RREB1: variants seen among roughly 807,000 people sequenced by gnomAD.
RREB1 encodes the protein ras-responsive element-binding protein 1.
In RREB1, 27 loss-of-function variants were observed where a neutral mutation model predicts 117.8. The ratio of observed to expected loss-of-function variants is 0.23; its 90% CI spans 0.17 to 0.32. RREB1 has a LOEUF of 0.32. Among genes scored for constraint, RREB1 ranks in the 10% least tolerant of loss-of-function variants. The pLI is 1.00. For missense variants in RREB1, 2,577 were observed against 2,378.2 expected (o/e 1.08, Z -1.74); for synonymous variants, 1,298 against 1,026.7 (o/e 1.26, Z -5.05).
At chr6:7,247,916 TGCAGCCC>T (rs1444417811) in intron 12 of RREB1, among the ~76,000 whole-genome samples, 1 of 152,208 alleles carries the variant, frequency 6.6e-6, no homozygotes, top group East Asian at 1.9e-4. Flanking sequence ...CTGTCACAGC[TGCAGCCC>T]GCAGTGAACA....
intron 8 of RREB1, chr6:7,217,610 A>T (rs886859833): frequency 1.3e-5 from 2 of 152,210 alleles, no homozygotes; most frequent in Non-Finnish European, 2.9e-5. Flanking sequence ...GACCTCGGGC[A>T]AGTGCTGACT....
intron 6 of RREB1, among the ~76,000 whole-genome samples, chr6:7,200,753 C>CTT (rs1393652534): frequency 6.6e-6 from 1 of 152,170 alleles, no homozygotes; most frequent in African/African-American, 2.4e-5. Flanking sequence ...ACAATCAAGC[C>CTT]TTTTTCGTCC....
chr6:7,170,806 A>C (rs1397690272), intron 1 of RREB1, among the ~76,000 whole-genome samples: 2 of 152,220 alleles, frequency 1.3e-5, no homozygotes, highest in Admixed American at 1.3e-4. Context: ...TAAGCCAAGC[A>C]GCTTCTCCCA....
intron 1 of RREB1, among the ~76,000 whole-genome samples, chr6:7,114,555 A>G (rs1470387328): frequency 6.6e-6 from 1 of 152,092 alleles, no homozygotes; most frequent in Non-Finnish European, 1.5e-5. Flanking sequence ...AGTGCACAGA[A>G]CGACCCCCAT....
chr6:7,184,184 C>G (rs1197990724), intron 4 of RREB1, among the ~76,000 whole-genome samples: 1 of 151,778 alleles, frequency 6.6e-6, no homozygotes, highest in South Asian at 2.1e-4. Flanking sequence ...CCTCCATGTC[C>G]TATAAAAAAC....
chr6:7,251,014 G>C lies in RREB1; in HGVS notation c.*2046G>C, dbSNP rs1174460418. On this transcript the variant is annotated 3_prime_UTR_variant, in exon 13 of 13. Coordinates refer to ENST00000379938, the MANE Select transcript of RREB1 (RefSeq NM_001003699.4). ...TACAGTTGTTATTGTTGTTTTTGTT[G>C]TTATTATTATTTGGGGTTTCTTGTG... 6.6e-6 allele frequency: 1 copy of C among 151,752 alleles called. No homozygotes were observed. The highest frequency in any genetic ancestry group is 2.4e-5 in the African/African-American group (1 of 41,286). The allele number at this position is 151,752 out of a possible 1,614,324, so 9.4% of individuals were successfully genotyped here.
At position 7,139,021 on chromosome 6, in the gene RREB1, G is replaced by C. The variant is rs146168553; in HGVS notation, c.-285+30961G>C. ...CACATGTGAGAACATTTCACTTTTAGTACTGAACTACTTTTTCGTGCACTG... is the reference window on the plus strand; with the variant it reads ...CACATGTGAGAACATTTCACTTTTACTACTGAACTACTTTTTCGTGCACTG... On this transcript the variant is annotated intron_variant, in intron 1 of 12. Transcript: ENST00000379938. Among the ~76,000 whole-genome samples, 199 of 152,232 alleles carry C rather than the reference G, an allele frequency of 1.3e-3. 1 individual carries two copies. Among genetic ancestry groups the C allele is most frequent in the African/African-American group, 4.4e-3 (182 of 41,520 alleles).
At chr6:7,161,118 A>G (rs1205510473) in intron 1 of RREB1, among the ~76,000 whole-genome samples, 2 of 152,174 alleles carry the variant, frequency 1.3e-5, no homozygotes, top group African/African-American at 4.8e-5. Context: ...GGTGTGAGGC[A>G]CAGTGTCCAG....
At chr6:7,109,921 G>A (rs1398563631) in intron 1 of RREB1, among the ~76,000 whole-genome samples, 1 of 152,136 alleles carries the variant, frequency 6.6e-6, no homozygotes, top group East Asian at 1.9e-4. Context: ...AACCTGTCCG[G>A]GGGTTTTCAT....
At chr6:7,202,388 C>T (rs535727936) in intron 6 of RREB1, among the ~76,000 whole-genome samples, 56 of 152,312 alleles carry the variant, frequency 3.7e-4, no homozygotes, top group African/African-American at 1.3e-3. Flanking sequence ...CTCAAGTGAT[C>T]GCCTTTCAAG....
chr6:7,145,680 T>C (rs1254602586), intron 1 of RREB1, among the ~76,000 whole-genome samples: 2 of 151,568 alleles, frequency 1.3e-5, no homozygotes, highest in African/African-American at 4.9e-5. Context: ...AGGAGGAGAA[T>C]TGGGAGATGG....
chr6:7,160,309 T>A (rs565252998), intron 1 of RREB1, among the ~76,000 whole-genome samples: 1 of 152,202 alleles, frequency 6.6e-6, no homozygotes, highest in African/African-American at 2.4e-5. Context: ...TTCTGGTATA[T>A]TTTCAAAAAT....
At chr6:7,140,073 ATTTT>A (rs545649667) in intron 1 of RREB1, among the ~76,000 whole-genome samples, 2 of 152,096 alleles carry the variant, frequency 1.3e-5, no homozygotes, top group Non-Finnish European at 2.9e-5. Flanking sequence ...TGGATTTTGA[ATTTT>A]TTTTAATTAT....
chr6:7,230,807 C>G lies in RREB1; in HGVS notation c.2708C>G (p.Ser903Trp). 1 of 1,614,204 alleles carries G rather than the reference C, an allele frequency of 6.2e-7. No individual in the cohort carries two copies. The highest frequency in any genetic ancestry group is 8.5e-7 in the Non-Finnish European group (1 of 1,180,024). Residue 903 changes from serine to tryptophan, a missense_variant, in exon 10 of 13, where the codon TCG becomes TGG. By Grantham distance (177) the Ser-to-Trp change is radical. Transcript: ENST00000379938. The part of the protein sequence containing the change: ...AVDFNEPLDF[S>W]QKGLALVQVK... ...GACTTCAATGAGCCCCTGGACTTCTCGCAGAAGGGCCTGGCCCTGGTCCAA... is the reference window on the plus strand; with the variant it reads ...GACTTCAATGAGCCCCTGGACTTCTGGCAGAAGGGCCTGGCCCTGGTCCAA...
chr6:7,120,397 C>T (rs1021769661), intron 1 of RREB1, among the ~76,000 whole-genome samples: 1 of 152,060 alleles, frequency 6.6e-6, no homozygotes, highest in African/African-American at 2.4e-5. Flanking sequence ...GAGGCTGCAG[C>T]GAGCTGTGAT....
intron 11 of RREB1, among the ~76,000 whole-genome samples, chr6:7,245,150 C>A (rs940364860): frequency 6.6e-6 from 1 of 152,186 alleles, no homozygotes; most frequent in Non-Finnish European, 1.5e-5. Flanking sequence ...AATCCCAGCA[C>A]TTTGGGAGGC....
intron 1 of RREB1, among the ~76,000 whole-genome samples, chr6:7,162,337 C>T (rs589308): frequency 0.21 from 31,390 of 152,004 alleles, 4,101 homozygotes; most frequent in African/African-American, 0.37. Context: ...TTTTTCTGCA[C>T]ACTGTGTTAA....
chr6:7,177,926 T>A (rs1430013576), intron 2 of RREB1, among the ~76,000 whole-genome samples: 3 of 152,190 alleles, frequency 2.0e-5, no homozygotes, highest in African/African-American at 7.2e-5. Context: ...TTTTGCCATG[T>A]TAGCCAGGCT....
intron 10 of RREB1, 98 bp from the exon 11 acceptor site, chr6:7,240,340 A>C: frequency 1.2e-6 from 1 of 869,462 alleles, no homozygotes; most frequent in Non-Finnish European, 1.7e-6. Flanking sequence ...AGGAGGGGGG[A>C]ACAACTGCCA....
Sources: allele counts gnomAD v4.1 joint callset (sites outside exome capture counted in the v4.1 genomes callset), GRCh38; gene constraint gnomAD v4.1.1; transcripts MANE v1.5; gene names NCBI Gene and HGNC (gene_info 2026-07-23, HGNC 2026-07-21).